WASF3: variants seen among roughly 807,000 people sequenced by gnomAD.
WASF3 encodes the protein WASP family member 3, also known as actin-binding protein WASF3.
WASF3 carries 11 observed loss-of-function variants against 46.6 expected under a neutral mutation model. The observed-to-expected ratio is 0.24, with a 90% CI of 0.15 to 0.39. The LOEUF (loss-of-function observed/expected upper bound fraction) is 0.39, where lower values mean the gene tolerates loss of function less well. Ranked by LOEUF, WASF3 falls within the 10% of genes least tolerant of loss-of-function variation. The pLI is 1.00. For missense variants in WASF3, 576 were observed against 669.8 expected (o/e 0.86, Z 1.55); for synonymous variants, 242 against 259.7 (o/e 0.93, Z 0.65).
chr13:26,602,810 A>G (rs1263820267), intron 1 of WASF3, among the ~76,000 whole-genome samples: 1 of 152,208 alleles, frequency 6.6e-6, no homozygotes, highest in Non-Finnish European at 1.5e-5. Context: ...TGCAGTATTT[A>G]CATCTTGCTA....
the WASF3 span, among the ~76,000 whole-genome samples, chr13:26,551,446 A>G: frequency 6.6e-6 from 1 of 152,212 alleles, no homozygotes; most frequent in Non-Finnish European, 1.5e-5. Flanking sequence ...TTCCAATGAC[A>G]TCATGAAAAC....
chr13:26,659,505 C>T (rs1160860131), intron 3 of WASF3, among the ~76,000 whole-genome samples: 3 of 152,078 alleles, frequency 2.0e-5, no homozygotes, highest in Non-Finnish European at 2.9e-5. Flanking sequence ...AGAGGAGTAA[C>T]AGGATCTGAG....
At chr13:26,577,169 A>G in intron 1 of WASF3, 1 of 755,312 alleles carries the variant, frequency 1.3e-6, no homozygotes, top group Non-Finnish European at 2.4e-6. Context: ...CAGGGCAAAA[A>G]CTTCCTAACT....
At chr13:26,555,263 A>G (rs1409558309), upstream of WASF3, among the ~76,000 whole-genome samples, 1 of 152,122 alleles carries the variant, frequency 6.6e-6, no homozygotes, top group Non-Finnish European at 1.5e-5. Flanking sequence ...TTTTTAATTG[A>G]CACCTGAGTG....
At chr13:26,600,279 G>GA (rs34629947) in intron 1 of WASF3, among the ~76,000 whole-genome samples, 1 of 152,130 alleles carries the variant, frequency 6.6e-6, no homozygotes, top group African/African-American at 2.4e-5. Context: ...CATGGTCTCT[G>GA]AAAAAAGGTT....
At chr13:26,599,185 T>TTTTC (rs71188734) in intron 1 of WASF3, among the ~76,000 whole-genome samples, 2 of 11,110 alleles carry the variant, frequency 1.8e-4, no homozygotes, top group Admixed American at 9.9e-4. Flanking sequence ...TTTTCATTTC[T>TTTTC]TTTTTTTTTT....
Position 26,642,353 on chromosome 13 carries a change from G to A in WASF3, c.83G>A (p.Cys28Tyr). The stretch of plus-strand genomic sequence containing the variant: ...GAAGGGATTACCAGCGAACTTGAAT[G>A]TGTAACCAATAGTACTCTTGCCGCT... The part of the protein sequence containing the change: ...LPEGITSELE[C>Y]VTNSTLAAII... Residue 28 changes from cysteine (C) to tyrosine (Y), a missense_variant, in exon 3 of 10, where the codon TGT (cysteine) becomes TAT (tyrosine). Transcript: ENST00000335327. 6.2e-7 allele frequency: 1 copy of A among 1,612,456 alleles called. No individual in the cohort carries two copies. Among genetic ancestry groups the A allele is most frequent in the Non-Finnish European group, 8.5e-7 (1 of 1,179,408 alleles).
In WASF3 at chr13:26,680,245, C is replaced by T. The variant is rs533876091; in HGVS notation, c.717-809C>T. 2.2e-5 allele frequency: 33 copies of T among 1,518,722 alleles called. No homozygotes were observed. In the Admixed American group the frequency reaches 2.9e-4, roughly 13 times the overall value. 94.1% of individuals were successfully genotyped at this position (1,518,722 alleles called of 1,614,324 possible). On this transcript the variant is annotated intron_variant, in intron 7 of 9. Coordinates refer to ENST00000335327, the MANE Select transcript of WASF3 (RefSeq NM_006646.6). ...TTTGGGTTCCCAGACTCAGACTGCC[C>T]CTGCTTCTGCCGCCATGAGAGGATG...
At chr13:26,548,914 G>A in the WASF3 span, among the ~76,000 whole-genome samples, 8 of 151,586 alleles carry the variant, frequency 5.3e-5, no homozygotes, top group Non-Finnish European at 1.0e-4. Context: ...TCTCTGATAC[G>A]CTGGTGGAAT....
the WASF3 span, among the ~76,000 whole-genome samples, chr13:26,548,907 C>T: frequency 6.6e-6 from 1 of 152,022 alleles, no homozygotes; most frequent in South Asian, 2.1e-4. Flanking sequence ...TTCCCTCTCT[C>T]TGATACGCTG....
At chr13:26,614,162 A>G (rs1287685073) in intron 2 of WASF3, among the ~76,000 whole-genome samples, 3 of 152,228 alleles carry the variant, frequency 2.0e-5, no homozygotes, top group Non-Finnish European at 4.4e-5. Flanking sequence ...GGTAGAAGAA[A>G]GGCTATTATA....
Position 26,687,721 on chromosome 13 carries a change from C to CTTTTTT in WASF3, c.*1877_*1878insTTTTTT, listed in dbSNP as rs371152678. Reference sequence around the variant, plus strand: ...CTAAATTTCTAATTTCTCTCTCTCTCTCTTTTTTTTTTTTTTGTTGTTGTT... The same window carrying CTTTTTT: ...CTAAATTTCTAATTTCTCTCTCTCTCTTTTTTTCTTTTTTTTTTTTTTGTTGTTGTT... On this transcript the variant is annotated 3_prime_UTR_variant, in exon 10 of 10. Transcript: ENST00000335327. The CTTTTTT allele has an allele frequency of 8.4e-5, 7 of 83,364 alleles. No homozygotes were observed. The highest frequency in any genetic ancestry group is 1.5e-4 in the Non-Finnish European group (5 of 34,112). 5.2% of individuals were successfully genotyped at this position (83,364 alleles called of 1,614,324 possible).
intron 1 of WASF3, among the ~76,000 whole-genome samples, chr13:26,570,746 T>C (rs967485631): frequency 6.6e-5 from 10 of 152,338 alleles, no homozygotes; most frequent in African/African-American, 2.4e-4. Context: ...ACAGTACAAA[T>C]AATGTGGCTA....
At chr13:26,642,870 A>C (rs1359158180) in intron 3 of WASF3, among the ~76,000 whole-genome samples, 1 of 152,180 alleles carries the variant, frequency 6.6e-6, no homozygotes, top group Non-Finnish European at 1.5e-5. Flanking sequence ...AATGAACCAT[A>C]GTATAAAGCC....
At chr13:26,685,610 A>T (rs562583980) in intron 9 of WASF3, 78 bp from the exon 10 acceptor site, 1 of 1,557,766 alleles carries the variant, frequency 6.4e-7, no homozygotes, top group South Asian at 1.2e-5. Context: ...AAAAAGTCCA[A>T]TAGACATATT....
chr13:26,662,181 G>C (rs192997816), intron 3 of WASF3, among the ~76,000 whole-genome samples: 26 of 152,342 alleles, frequency 1.7e-4, no homozygotes, highest in African/African-American at 5.8e-4. Flanking sequence ...AAAAGGGAAT[G>C]CTTACTTACT....
the WASF3 span, among the ~76,000 whole-genome samples, chr13:26,542,561 G>A: frequency 6.6e-6 from 1 of 152,276 alleles, no homozygotes; most frequent in East Asian, 1.9e-4. Context: ...CCTTTCAAAT[G>A]TTTTTGTATT....
rs558846127 is a variant in WASF3 at position 26,593,256 on chromosome 13, C to T, written c.-108-19705C>T. 4.6e-5 allele frequency among the ~76,000 whole-genome samples: 7 copies of T among 152,238 alleles called. No homozygotes were observed. In the East Asian group the frequency reaches 7.7e-4, roughly 17 times the overall value. ...CTGAGGAATTCATTTTGGTCCAAAC[C>T]GACTTGGCCGAAGCATGGGCTTCCC... On this transcript the variant is annotated intron_variant, in intron 1 of 9. Transcript: ENST00000335327.
At chr13:26,602,262 G>T (rs1880663922) in intron 1 of WASF3, among the ~76,000 whole-genome samples, 2 of 152,146 alleles carry the variant, frequency 1.3e-5, no homozygotes. Context: ...GATTATATTG[G>T]ATGCCACTGA....
Sources: allele counts gnomAD v4.1 joint callset (sites outside exome capture counted in the v4.1 genomes callset), GRCh38; gene constraint gnomAD v4.1.1; transcripts MANE v1.5; gene names NCBI Gene and HGNC (gene_info 2026-07-23, HGNC 2026-07-21).